Variants in ANK2 observed in about 807,000 individuals in gnomAD.
The protein encoded by ANK2 is ankyrin 2, also known as ankyrin-2.
ANK2 carries 83 observed loss-of-function variants against 360.5 expected under a neutral mutation model. The ratio of observed to expected loss-of-function variants is 0.23; its 90% CI spans 0.19 to 0.28. ANK2 has a LOEUF of 0.28. Among genes scored for constraint, ANK2 ranks in the 10% least tolerant of loss-of-function variants. The pLI, the probability that ANK2 is intolerant of heterozygous loss-of-function variation, is 1.00. For missense variants in ANK2, 4,201 were observed against 4,795.7 expected (o/e 0.88, Z 3.66); for synonymous variants, 1,740 against 1,759.5 (o/e 0.99, Z 0.28).
Position 113,331,921 on chromosome 4 carries a change from C to G in ANK2, c.3126-51C>G, listed in dbSNP as rs755211608. 3 of 1,525,846 alleles carry G rather than the reference C, an allele frequency of 2.0e-6. No individual in the cohort carries two copies. In the South Asian group the frequency reaches 3.4e-5, roughly 17 times the overall value. 94.5% of individuals were successfully genotyped at this position (1,525,846 alleles called of 1,614,324 possible). ...CGCTGGGGTTCTGTGGAAGACAATA[C>G]CTGAAGCTTACCTATGTTCTTTCTT... On this transcript the variant is annotated intron_variant, in intron 27 of 45. Coordinates refer to ENST00000357077, the MANE Select transcript of ANK2 (RefSeq NM_001148.6).
intron 1 of ANK2, among the ~76,000 whole-genome samples, chr4:112,898,596 C>A (rs1344611360): frequency 3.9e-5 from 6 of 152,150 alleles, no homozygotes; most frequent in African/African-American, 1.4e-4. Context: ...GATTTCTCCA[C>A]TGAAGCCAAC....
chr4:112,956,153 T>C (rs983114065), intron 2 of ANK2, among the ~76,000 whole-genome samples: 5 of 152,214 alleles, frequency 3.3e-5, no homozygotes, highest in Non-Finnish European at 7.3e-5. Context: ...GTTTGCCTTT[T>C]ACCTACAAAT....
At chr4:112,730,252 C>CAA in the ANK2 span, among the ~76,000 whole-genome samples, 781 of 49,608 alleles carry the variant, frequency 0.016, no homozygotes, top group East Asian at 0.029. Context: ...GACTCTGTCT[C>CAA]AAAAAAAAAA....
the ANK2 span, among the ~76,000 whole-genome samples, chr4:112,761,765 A>G: frequency 6.6e-6 from 1 of 152,244 alleles, no homozygotes; most frequent in Non-Finnish European, 1.5e-5. Context: ...TTCACTTACC[A>G]TACTCATACT....
intron 2 of ANK2, among the ~76,000 whole-genome samples, chr4:112,925,657 A>G (rs566794168): frequency 1.3e-5 from 2 of 152,370 alleles, no homozygotes; most frequent in African/African-American, 4.8e-5. Flanking sequence ...AGGTATAAGT[A>G]TACTATAAAC....
intron 18 of ANK2, among the ~76,000 whole-genome samples, chr4:113,284,552 A>G (rs2063638439): frequency 6.6e-6 from 1 of 152,184 alleles, no homozygotes; most frequent in African/African-American, 2.4e-5. Flanking sequence ...TAAATACATT[A>G]CTTTCTTTGA....
intron 4 of ANK2, among the ~76,000 whole-genome samples, chr4:113,226,661 G>T (rs758683964): frequency 2.6e-5 from 4 of 152,204 alleles, no homozygotes; most frequent in Non-Finnish European, 5.9e-5. Context: ...CTTGAATTTT[G>T]TCTCTGAATC....
Position 113,098,808 on chromosome 4 carries a change from C to G in ANK2, c.84+48996C>G, listed in dbSNP as rs2092223749. On this transcript the variant is annotated intron_variant, in intron 1 of 45. Coordinates refer to ENST00000357077, the MANE Select transcript of ANK2 (RefSeq NM_001148.6). ...AACAGAAAGATTTATATACCATTAT[C>G]AAGTGAGATTTATTCTGTGTATACA... 2.0e-5 allele frequency among the ~76,000 whole-genome samples: 3 copies of G among 151,866 alleles called. 1 individual carries two copies. In the South Asian group the frequency reaches 6.2e-4, roughly 31 times the overall value.
At chr4:112,832,726 C>T (rs1471343981) in intron 1 of ANK2, among the ~76,000 whole-genome samples, 1 of 152,148 alleles carries the variant, frequency 6.6e-6, no homozygotes, top group Non-Finnish European at 1.5e-5. Context: ...ATTCCATGGT[C>T]TTCTACTGTT....
chr4:113,151,690 A>G (rs899083192), intron 1 of ANK2, among the ~76,000 whole-genome samples: 2 of 152,194 alleles, frequency 1.3e-5, no homozygotes, highest in African/African-American at 4.8e-5. Context: ...TATTTACTAT[A>G]GAAAGTAGTA....
intron 2 of ANK2, among the ~76,000 whole-genome samples, chr4:112,950,022 A>G (rs2094828846): frequency 6.6e-6 from 1 of 152,256 alleles, no homozygotes; most frequent in African/African-American, 2.4e-5. Context: ...CAGTCTTGCA[A>G]ATAATTCACT....
At chr4:113,201,460 G>T (rs968743195) in intron 4 of ANK2, among the ~76,000 whole-genome samples, 14 of 152,164 alleles carry the variant, frequency 9.2e-5, no homozygotes, top group African/African-American at 3.1e-4. Flanking sequence ...CTGGGTGTAA[G>T]ATATTGCAGT....
At chr4:113,272,115 C>A (rs2058750846) in intron 14 of ANK2, among the ~76,000 whole-genome samples, 1 of 152,210 alleles carries the variant, frequency 6.6e-6, no homozygotes, top group Non-Finnish European at 1.5e-5. Context: ...CCTGGGAACC[C>A]TGTTAGCTAG....
At chr4:112,844,891 CCTCTCA>C (rs2062944149) in intron 1 of ANK2, among the ~76,000 whole-genome samples, 5 of 152,214 alleles carry the variant, frequency 3.3e-5, no homozygotes, top group Admixed American at 6.5e-5. Flanking sequence ...ATGAGAAAAT[CCTCTCA>C]TGGGATATCA....
At chr4:112,825,455 TC>T (rs1231993715) in intron 1 of ANK2, among the ~76,000 whole-genome samples, 1 of 152,208 alleles carries the variant, frequency 6.6e-6, no homozygotes, top group Non-Finnish European at 1.5e-5. Context: ...AGATCCCTTA[TC>T]CCTTAACCCT....
At chr4:112,942,085 A>G (rs973398087) in intron 2 of ANK2, among the ~76,000 whole-genome samples, 4 of 151,988 alleles carry the variant, frequency 2.6e-5, no homozygotes, top group African/African-American at 9.7e-5. Flanking sequence ...TCTATAATCA[A>G]CATTACTTTT....
At chr4:112,767,807 A>G in the ANK2 span, among the ~76,000 whole-genome samples, 2 of 152,142 alleles carry the variant, frequency 1.3e-5, no homozygotes, top group Non-Finnish European at 2.9e-5. Context: ...CTCATTTTTT[A>G]ACTTAAAAAG....
chr4:113,015,495 C>A (rs1020220689), intron 2 of ANK2, among the ~76,000 whole-genome samples: 3 of 152,094 alleles, frequency 2.0e-5, no homozygotes, highest in Non-Finnish European at 4.4e-5. Flanking sequence ...AATTGTTGAA[C>A]TAAGTGTTAT....
At chr4:112,800,875 G>A in the ANK2 span, among the ~76,000 whole-genome samples, 1 of 151,956 alleles carries the variant, frequency 6.6e-6, no homozygotes, top group Non-Finnish European at 1.5e-5. Flanking sequence ...GGGTGGTCTC[G>A]AACTCCTGAC....
Sources: gnomAD v4.1 joint callset for allele counts (sites outside exome capture counted in the v4.1 genomes callset) on GRCh38, gnomAD v4.1.1 for gene constraint, MANE v1.5 for transcripts, NCBI Gene and HGNC (gene_info 2026-07-23, HGNC 2026-07-21) for gene names.